LIMD1: variants seen among roughly 807,000 people sequenced by gnomAD.
LIMD1 encodes the protein LIM domain containing 1, also known as LIM domain-containing protein 1.
LIMD1 carries 23 observed loss-of-function variants against 58.4 expected under a neutral mutation model. That is an observed-to-expected ratio of 0.39 (90% CI 0.28 to 0.56). The LOEUF is 0.56. Ranked by LOEUF, LIMD1 falls within the 20% of genes least tolerant of loss-of-function variation. The pLI is 0.57. For synonymous variants in LIMD1, 334 were observed against 345.5 expected, an observed-to-expected ratio of 0.97 and a Z score of 0.37; for missense variants, 838 against 855.5, an observed-to-expected ratio of 0.98 and a Z score of 0.25.
In LIMD1 at chr3:45,683,885, G is replaced by A. The variant is rs746931839; in HGVS notation, c.*6826G>A. On this transcript the variant is annotated 3_prime_UTR_variant, in exon 8 of 8. Transcript: ENST00000273317. ...ACCTGGACACCCTCCACCGGTAACA[G>A]GAGGAGCATTAGTCAGCCTACCACA... 7.2e-5 allele frequency: 11 copies of A among 152,198 alleles called. No individual in the cohort carries two copies. The highest frequency in any genetic ancestry group is 1.2e-4 in the Non-Finnish European group (8 of 68,030). The allele number at this position is 152,198 out of a possible 1,614,324, so 9.4% of individuals were successfully genotyped here. A position where few individuals can be genotyped will look rare whatever the true frequency, so the allele number is the denominator to read the frequency against.
chr3:45,625,076 A>G lies in LIMD1; in HGVS notation c.1409-11074A>G, dbSNP rs1701658001. On this transcript the variant is annotated intron_variant, in intron 1 of 7. Transcript: ENST00000273317. Reference sequence around the variant, plus strand: ...AGTTGACCAGTTTTGCCGTATGTTAATGGTTTTCAGATAATCTTCCTGGAA... The same window carrying G: ...AGTTGACCAGTTTTGCCGTATGTTAGTGGTTTTCAGATAATCTTCCTGGAA... 2.0e-5 allele frequency among the ~76,000 whole-genome samples: 3 copies of G among 151,230 alleles called. No homozygotes were observed. In the South Asian group the frequency reaches 6.2e-4, roughly 31 times the overall value.
chr3:45,629,571 T>C (rs1701706102), intron 1 of LIMD1, among the ~76,000 whole-genome samples: 1 of 152,100 alleles, frequency 6.6e-6, no homozygotes, highest in Admixed American at 6.6e-5. Context: ...CACCCAAATA[T>C]TGCATTTTCC....
chr3:45,674,474 C>A, intron 7 of LIMD1, 63 bp downstream of exon 7: 1 of 1,320,990 alleles, frequency 7.6e-7, no homozygotes, highest in Non-Finnish European at 1.1e-6. Context: ...AAGCATCCTG[C>A]GTTGACTGGG....
chr3:45,652,222 C>T (rs572857284), intron 2 of LIMD1, among the ~76,000 whole-genome samples: 6 of 152,324 alleles, frequency 3.9e-5, no homozygotes, highest in African/African-American at 9.6e-5. Context: ...CCACCATGCC[C>T]GGCCAGCCAA....
intron 2 of LIMD1, among the ~76,000 whole-genome samples, chr3:45,659,060 T>A (rs191533453): frequency 2.0e-5 from 3 of 152,290 alleles, no homozygotes; most frequent in African/African-American, 4.8e-5. Flanking sequence ...TCTAGAAAAA[T>A]TTAATATAGA....
intron 1 of LIMD1, among the ~76,000 whole-genome samples, chr3:45,627,073 G>A (rs1701674400): frequency 6.6e-6 from 1 of 152,012 alleles, no homozygotes. Flanking sequence ...AGAGGCCCTG[G>A]GCACACAAAC....
At chr3:45,674,565 G>C in intron 7 of LIMD1, 154 bp downstream of exon 7, 1 of 616,066 alleles carries the variant, frequency 1.6e-6, no homozygotes, top group Admixed American at 2.7e-5. Context: ...CTGGTTCTTG[G>C]GGGAGGTAGG....
intron 1 of LIMD1, among the ~76,000 whole-genome samples, chr3:45,627,886 T>C (rs144156238): frequency 6.6e-6 from 1 of 151,618 alleles, no homozygotes; most frequent in African/African-American, 2.4e-5. Flanking sequence ...TGCACGCCTG[T>C]AGTCCCAGCT....
intron 2 of LIMD1, among the ~76,000 whole-genome samples, chr3:45,651,927 C>T (rs146521970): frequency 0.04 from 6,102 of 151,714 alleles, 134 homozygotes; most frequent in African/African-American, 0.063. Flanking sequence ...CCACCGCACC[C>T]GGCCTGTTAT....
rs1697754198 is a variant in LIMD1 at position 45,682,207 on chromosome 3, A to G, written c.*5148A>G. 6.6e-6 allele frequency: 1 copy of G among 152,080 alleles called. No individual in the cohort carries two copies. Among genetic ancestry groups the G allele is most frequent in the Non-Finnish European group, 1.5e-5 (1 of 68,014 alleles). The allele number at this position is 152,080 out of a possible 1,614,324, so 9.4% of individuals were successfully genotyped here. A position where few individuals can be genotyped will look rare whatever the true frequency, so the allele number is the denominator to read the frequency against. On this transcript the variant is annotated 3_prime_UTR_variant, in exon 8 of 8. Transcript: ENST00000273317. ...AAGTGATGAGAGAATGGCTAGTCTGATTTTGCCAACATGGGCTGCTATTTG... is the reference window on the plus strand; with the variant it reads ...AAGTGATGAGAGAATGGCTAGTCTGGTTTTGCCAACATGGGCTGCTATTTG...
In LIMD1 at chr3:45,595,879, C is replaced by A; in HGVS notation, c.1000C>A (p.Gln334Lys). 1 of 1,614,226 alleles carries A rather than the reference C, an allele frequency of 6.2e-7. No homozygotes were observed. Among genetic ancestry groups the A allele is most frequent in the Non-Finnish European group, 8.5e-7 (1 of 1,180,044 alleles). ...GVMSKPNVDP[Q>K]PWFQDGPKSY... ...GATGTCCAAACCCAATGTGGACCCC[C>A]AACCCTGGTTCCAGGATGGGCCCAA... Residue 334 changes from glutamine (Q) to lysine (K), a missense_variant, in exon 1 of 8, where the codon CAA becomes AAA. Transcript: ENST00000273317.
chr3:45,641,389 T>C (rs963388674), intron 2 of LIMD1, among the ~76,000 whole-genome samples: 1 of 152,222 alleles, frequency 6.6e-6, no homozygotes. Context: ...GGTGAGTGTG[T>C]GTATTTCTGA....
rs780352856 is a variant in LIMD1, at chr3:45,678,113, G to A, written c.*1054G>A. 2 of 152,610 alleles carry A rather than the reference G, an allele frequency of 1.3e-5. No individual in the cohort carries two copies. The highest frequency in any genetic ancestry group is 2.9e-5 in the Non-Finnish European group (2 of 68,036). The allele number at this position is 152,610 out of a possible 1,614,324, so 9.5% of individuals were successfully genotyped here. A position where few individuals can be genotyped will look rare whatever the true frequency, so the allele number is the denominator to read the frequency against. ...TATTCATTTCGTTGGTTTCTCTCCT[G>A]CCCAATTCTTGGCACAGGCATTATG... On this transcript the variant is annotated 3_prime_UTR_variant, in exon 8 of 8. Transcript: ENST00000273317.
intron 2 of LIMD1, among the ~76,000 whole-genome samples, chr3:45,639,188 G>T (rs1701817207): frequency 6.6e-6 from 1 of 152,106 alleles, no homozygotes; most frequent in African/African-American, 2.4e-5. Flanking sequence ...TTTTTTTCAT[G>T]TTTGTTGGCT....
intron 1 of LIMD1, among the ~76,000 whole-genome samples, chr3:45,599,471 A>G (rs1275623530): frequency 6.6e-6 from 1 of 152,108 alleles, no homozygotes; most frequent in Non-Finnish European, 1.5e-5. Flanking sequence ...GCAAGCACGC[A>G]CAGTGAAAAT....
chr3:45,662,657 AC>A (rs1697458341), intron 2 of LIMD1, among the ~76,000 whole-genome samples: 1 of 151,998 alleles, frequency 6.6e-6, no homozygotes, highest in Non-Finnish European at 1.5e-5. Context: ...TCCTACTGTT[AC>A]CATATATACT....
At chr3:45,672,184 A>G (rs569473132) in intron 4 of LIMD1, among the ~76,000 whole-genome samples, 23 of 152,264 alleles carry the variant, frequency 1.5e-4, no homozygotes, top group South Asian at 4.1e-4. Context: ...GGGGCATCCA[A>G]GAGGCAGAAG....
intron 1 of LIMD1, among the ~76,000 whole-genome samples, chr3:45,623,239 A>G (rs1204947072): frequency 6.6e-6 from 1 of 152,066 alleles, no homozygotes; most frequent in East Asian, 1.9e-4. Flanking sequence ...GTGTGGAGAG[A>G]CTCGAAGTTA....
At chr3:45,629,912 A>G (rs577173326) in intron 1 of LIMD1, among the ~76,000 whole-genome samples, 13 of 152,208 alleles carry the variant, frequency 8.5e-5, no homozygotes, top group Non-Finnish European at 1.8e-4. Context: ...TTCCCATCAT[A>G]ATACCAAATT....
Sources: gnomAD v4.1 joint callset for allele counts (sites outside exome capture counted in the v4.1 genomes callset) on GRCh38, gnomAD v4.1.1 for gene constraint, MANE v1.5 for transcripts, NCBI Gene and HGNC (gene_info 2026-07-23, HGNC 2026-07-21) for gene names.